LEO1: variants seen among roughly 807,000 people sequenced by gnomAD.
The protein encoded by LEO1 is LEO1 component of Paf1/RNA polymerase II complex.
LEO1 carries 34 observed loss-of-function variants against 80.4 expected under a neutral mutation model. The ratio of observed to expected loss-of-function variants is 0.42; its 90% CI spans 0.32 to 0.56. The LOEUF is 0.56. Ranked by LOEUF, LEO1 falls within the 20% of genes least tolerant of loss-of-function variation. The probability of loss-of-function intolerance (pLI) is 0.10; values close to 1 mark genes in which losing one functional copy is unlikely to be tolerated. For synonymous variants in LEO1, 262 were observed against 274.9 expected, an observed-to-expected ratio of 0.95 and a Z score of 0.46; for missense variants, 631 against 814.2, an observed-to-expected ratio of 0.77 and a Z score of 2.74.
At chr15:51,943,293 C>T (rs1187439129) in intron 11 of LEO1, among the ~76,000 whole-genome samples, 4 of 151,220 alleles carry the variant, frequency 2.6e-5, no homozygotes, top group South Asian at 2.1e-4. Flanking sequence ...GCAGGAGAAT[C>T]GCTTGAATTC....
chr15:51,942,467 G>C (rs997104419), intron 11 of LEO1, among the ~76,000 whole-genome samples: 8 of 151,828 alleles, frequency 5.3e-5, no homozygotes, highest in Non-Finnish European at 1.2e-4. Context: ...ACAAACAGAA[G>C]TCCCATGACA....
rs201289321 is a variant in LEO1, at chr15:51,949,918, C to T, written c.1688G>A (p.Arg563Gln). 1.2e-5 allele frequency: 20 copies of T among 1,614,058 alleles called. No individual in the cohort carries two copies. In the East Asian group the frequency reaches 1.3e-4, roughly 11 times the overall value. ...QRRMREKQHQ[R>Q]GLSASYLEPD... ...TTCCAGGTAACTGGCGCTCAGCCCC[C>T]GCTGGTGCTGTTTCTCTCTCATTCG... Residue 563 changes from arginine to glutamine, a missense_variant, in exon 10 of 12, where the codon CGG becomes CAG. Arg to Gln is a conservative substitution (Grantham distance 43). Around this residue, in one of 4 missense-constraint regions of LEO1, gnomAD observed 117 missense variants for 163.5 expected, o/e 0.72. Transcript: ENST00000299601.
intron 9 of LEO1, 32 bp downstream of exon 9, chr15:51,951,811 TC>T (rs748133881): frequency 6.3e-7 from 1 of 1,589,236 alleles, no homozygotes; most frequent in Admixed American, 1.7e-5. Context: ...TACCAAAGAA[TC>T]CCAGGATAAC....
At chr15:51,962,263 C>T (rs767625713) in intron 3 of LEO1, 126 bp downstream of exon 3, 2 of 563,954 alleles carry the variant, frequency 3.5e-6, no homozygotes, top group African/African-American at 1.9e-5. Context: ...GTACACTGAG[C>T]GTATCCACAC....
At chr15:51,961,774 C>A (rs1274169866) in intron 3 of LEO1, among the ~76,000 whole-genome samples, 1 of 151,810 alleles carries the variant, frequency 6.6e-6, no homozygotes, top group East Asian at 1.9e-4. Context: ...AACTTAGGAA[C>A]AAAACACCGA....
Position 51,950,049 on chromosome 15 carries a change from C to T in LEO1, c.1612-55G>A, listed in dbSNP as rs2141755109. The T allele has an allele frequency of 4.3e-6, 6 of 1,409,132 alleles. 1 individual carries two copies. Among genetic ancestry groups the T allele is most frequent in the South Asian group, 2.7e-5 (2 of 75,324 alleles). The allele number at this position is 1,409,132 out of a possible 1,614,324, so 87.3% of individuals were successfully genotyped here. A position where few individuals can be genotyped will look rare whatever the true frequency, so the allele number is the denominator to read the frequency against. On this transcript the variant is annotated intron_variant, in intron 9 of 11. Transcript: ENST00000299601. The stretch of plus-strand genomic sequence containing the variant: ...TAAAAAGGAGCTACTTTTGTGCCCA[C>T]TTGAACCCACTTTTATTACAAATAG...
rs2057038106 is a variant in LEO1 at position 51,962,404 on chromosome 15, T to G, written c.904A>C (p.Thr302Pro). The G allele has an allele frequency of 3.1e-6, 5 of 1,611,230 alleles. No individual in the cohort carries two copies. The East Asian group carries it at 8.9e-5, about 29-fold the overall frequency. The change falls in exon 3 of 12, where the codon ACT (threonine) becomes CCT (proline). Residue 302 changes from threonine to proline, a missense_variant. Physicochemically the swap from Thr to Pro is conservative, Grantham distance 38. Around this residue, in one of 4 missense-constraint regions of LEO1, gnomAD observed 394 missense variants for 395.6 expected, o/e 1.00. Transcript: ENST00000299601. ...IASDSEADSD[T>P]EVPKDNSGTM... ...ATAGGGATACCTTTTGGCACCTCAG[T>G]GTCACTATCCGCTTCTGAATCAGAT...
intron 3 of LEO1, among the ~76,000 whole-genome samples, chr15:51,961,111 A>AGT (rs1253130943): frequency 6.6e-6 from 1 of 152,148 alleles, no homozygotes; most frequent in Non-Finnish European, 1.5e-5. Flanking sequence ...GTCCAGGCAT[A>AGT]GTGGTTCATG....
chr15:51,951,128 T>A (rs764198773), intron 9 of LEO1, among the ~76,000 whole-genome samples: 27 of 152,260 alleles, frequency 1.8e-4, no homozygotes, highest in Non-Finnish European at 8.8e-5. Context: ...GTAACTGGAC[T>A]GTCTTAGCCT....
chr15:51,963,722 G>A (rs1434144905), intron 2 of LEO1, among the ~76,000 whole-genome samples: 1 of 151,400 alleles, frequency 6.6e-6, no homozygotes, highest in Non-Finnish European at 1.5e-5. Context: ...GCCAACATGG[G>A]GAAACTTCCT....
At chr15:51,944,044 A>T (rs2056879606) in intron 11 of LEO1, among the ~76,000 whole-genome samples, 1 of 152,224 alleles carries the variant, frequency 6.6e-6, no homozygotes, top group African/African-American at 2.4e-5. Flanking sequence ...AAAAAATATT[A>T]AATGAAACAG....
chr15:51,953,023 G>T, intron 8 of LEO1, 106 bp downstream of exon 8: 1 of 892,328 alleles, frequency 1.1e-6, no homozygotes, highest in Non-Finnish European at 1.7e-6. Context: ...GGTTCTTGCT[G>T]AATCATACCG....
intron 3 of LEO1, among the ~76,000 whole-genome samples, chr15:51,961,546 C>A (rs1436819925): frequency 6.6e-6 from 1 of 151,942 alleles, no homozygotes; most frequent in Non-Finnish European, 1.5e-5. Flanking sequence ...ATGCACACCA[C>A]CTCGCCCCGC....
chr15:51,960,630 C>T lies in LEO1; in HGVS notation c.1014+9G>A, dbSNP rs777492927. On this transcript the variant is annotated intron_variant, in intron 4 of 11. Transcript: ENST00000299601. ...GCCTTGAATAAGTTCATGTTACTAA[C>T]TGACTTACAACAGGCTGTCCTGGAG... 1.3e-6 allele frequency: 2 copies of T among 1,513,590 alleles called. No homozygotes were observed. Among genetic ancestry groups the T allele is most frequent in the East Asian group, 2.3e-5 (1 of 44,426 alleles). 93.8% of individuals were successfully genotyped at this position (1,513,590 alleles called of 1,614,324 possible).
chr15:51,949,451 G>A (rs2056928496), intron 10 of LEO1, among the ~76,000 whole-genome samples: 1 of 152,150 alleles, frequency 6.6e-6, no homozygotes, highest in Admixed American at 6.5e-5. Context: ...TGTAATCCCA[G>A]TACTTTGGGA....
intron 3 of LEO1, among the ~76,000 whole-genome samples, chr15:51,962,100 T>C (rs958168166): frequency 5.9e-5 from 9 of 151,626 alleles, no homozygotes; most frequent in African/African-American, 1.7e-4. Context: ...GAGGCAGCAG[T>C]TGCAATAAGC....
chr15:51,965,856 T>G lies in LEO1; in HGVS notation c.707A>C (p.Gln236Pro), dbSNP rs768187786. The G allele has an allele frequency of 6.2e-7, 1 of 1,614,178 alleles. No individual in the cohort carries two copies. Among genetic ancestry groups the G allele is most frequent in the Non-Finnish European group, 8.5e-7 (1 of 1,180,018 alleles). Residue 236 changes from glutamine (Q) to proline (P), a missense_variant, in exon 2 of 12, where the codon CAG becomes CCG. Gln to Pro is a moderately conservative substitution (Grantham distance 76). Around this residue, in one of 4 missense-constraint regions of LEO1, gnomAD observed 394 missense variants for 395.6 expected, o/e 1.00. Transcript: ENST00000299601. ...KQNSDDEEQP[Q>P]LSDEEKMQNS... ...TTGCATTTTCTCTTCATCAGACAGC[T>G]GTGGTTGTTCTTCATCATCAGAATT... is the stretch of plus-strand genomic sequence containing the variant.
intron 8 of LEO1, 66 bp from the exon 9 acceptor site, chr15:51,952,045 A>G: frequency 6.9e-7 from 1 of 1,449,230 alleles, no homozygotes. Flanking sequence ...AGTGATACCC[A>G]CGTCACAGAA....
At chr15:51,951,032 C>G (rs1195482536) in intron 9 of LEO1, among the ~76,000 whole-genome samples, 2 of 152,162 alleles carry the variant, frequency 1.3e-5, no homozygotes, top group African/African-American at 4.8e-5. Context: ...TCTCCATGAA[C>G]AAATACAGGA....
Sources: allele counts gnomAD v4.1 joint callset (sites outside exome capture counted in the v4.1 genomes callset), GRCh38; gene constraint gnomAD v4.1.1; regional missense constraint gnomAD v4.1.1; transcripts MANE v1.5; gene names NCBI Gene and HGNC (gene_info 2026-07-23, HGNC 2026-07-21).